Variants in PGPEP1L observed in about 807,000 individuals in gnomAD.
PGPEP1L encodes the protein pyroglutamyl-peptidase I like.
In PGPEP1L, 7 loss-of-function variants were observed where a neutral mutation model predicts 6.0. The ratio of observed to expected loss-of-function variants is 1.17; its 90% CI spans 0.66 to 2.19. PGPEP1L has a LOEUF of 2.19. Among genes scored for constraint, PGPEP1L ranks in the 30% most tolerant of loss-of-function variants. The pLI, the probability that PGPEP1L is intolerant of heterozygous loss-of-function variation, is 0.00. For missense variants in PGPEP1L, 209 were observed against 192.5 expected, an observed-to-expected ratio of 1.09 and a Z score of -0.51; for synonymous variants, 103 against 83.9, an observed-to-expected ratio of 1.23 and a Z score of -1.24.
chr15:98,999,873 G>C lies in PGPEP1L; in HGVS notation c.-142+5556C>G, dbSNP rs546782662. Among the ~76,000 whole-genome samples the C allele has an allele frequency of 9.8e-5, 15 of 152,380 alleles. No homozygotes were observed. In the South Asian group the frequency reaches 3.1e-3, roughly 32 times the overall value. ...AGTACTGATACATGCTACTGAGAAG[G>C]TGACAGCATGCTGGCAGTCCTTGCA... On this transcript the variant is annotated intron_variant, in intron 2 of 4. Transcript: ENST00000535714.
chr15:98,971,125 C>T lies in PGPEP1L; in HGVS notation c.-108G>A. On this transcript the variant is annotated 5_prime_UTR_variant, in exon 3 of 5. It adds an upstream start codon to the 5' untranslated region. Transcript: ENST00000535714. The stretch of plus-strand genomic sequence containing the variant: ...AGCTCCAGAGTCCGCAGCTGCACCA[C>T]TGTTTCATTCCCCAGGCCCAGCTTG... The T allele has an allele frequency of 6.2e-7, 1 of 1,608,248 alleles. No individual in the cohort carries two copies. Among genetic ancestry groups the T allele is most frequent in the Non-Finnish European group, 8.5e-7 (1 of 1,177,286 alleles).
chr15:98,975,934 G>C (rs1201562699), intron 2 of PGPEP1L, among the ~76,000 whole-genome samples: 1 of 137,132 alleles, frequency 7.3e-6, no homozygotes, highest in Non-Finnish European at 1.5e-5. Flanking sequence ...GAAAAAAATT[G>C]AAAAGAAAAG....
At chr15:98,986,376 TG>T (rs1567239315) in intron 2 of PGPEP1L, among the ~76,000 whole-genome samples, 1 of 152,234 alleles carries the variant, frequency 6.6e-6, no homozygotes, top group African/African-American at 2.4e-5. Context: ...TGACCATTGA[TG>T]TAATCAGTCA....
intron 2 of PGPEP1L, chr15:99,001,111 G>A (rs1206478810): frequency 1.2e-5 from 5 of 433,288 alleles, no homozygotes; most frequent in African/African-American, 6.2e-5. Flanking sequence ...CCAGAAGGAA[G>A]AAACTCTGAA....
At chr15:98,998,794 A>G (rs1325865435) in intron 2 of PGPEP1L, among the ~76,000 whole-genome samples, 9 of 152,202 alleles carry the variant, frequency 5.9e-5, no homozygotes, top group African/African-American at 2.2e-4. Flanking sequence ...CCTGGCCAAC[A>G]TGGCGAAACC....
chr15:98,974,371 C>G (rs921361394), intron 2 of PGPEP1L, among the ~76,000 whole-genome samples: 1 of 151,500 alleles, frequency 6.6e-6, no homozygotes, highest in African/African-American at 2.4e-5. Flanking sequence ...CGTGTGAGAC[C>G]CTGTCTCAAA....
At chr15:98,996,635 T>C (rs2017892945) in intron 2 of PGPEP1L, among the ~76,000 whole-genome samples, 1 of 152,102 alleles carries the variant, frequency 6.6e-6, no homozygotes, top group Admixed American at 6.6e-5. Flanking sequence ...ATGTGTGTTG[T>C]GTGCATGTTG....
At chr15:98,996,812 T>G (rs1404593753) in intron 2 of PGPEP1L, among the ~76,000 whole-genome samples, 2 of 152,290 alleles carry the variant, frequency 1.3e-5, no homozygotes, top group East Asian at 3.9e-4. Context: ...CAGAGTCAGA[T>G]CCTATTTGCC....
At chr15:99,002,224 G>C (rs1466041608) in intron 2 of PGPEP1L, among the ~76,000 whole-genome samples, 3 of 152,002 alleles carry the variant, frequency 2.0e-5, no homozygotes. Flanking sequence ...TCGAACTCCT[G>C]GTCTCAGGTG....
At chr15:98,977,022 A>C (rs1042325416) in intron 2 of PGPEP1L, among the ~76,000 whole-genome samples, 13 of 142,768 alleles carry the variant, frequency 9.1e-5, no homozygotes, top group African/African-American at 3.0e-4. Flanking sequence ...AAAAAAAAAA[A>C]CAAGTCTGTA....
intron 3 of PGPEP1L, 40 bp downstream of exon 3, chr15:98,970,996 T>TCGC (rs1464521921): frequency 6.2e-7 from 1 of 1,609,672 alleles, no homozygotes; most frequent in Non-Finnish European, 8.5e-7. Context: ...CAGCTCCACA[T>TCGC]CGCCAGTCCC....
chr15:98,974,904 AAAC>A (rs147121809), intron 2 of PGPEP1L, among the ~76,000 whole-genome samples: 13,687 of 152,176 alleles, frequency 0.09, 1,073 homozygotes, highest in East Asian at 0.36. Context: ...CCTCAAACAA[AAAC>A]AACAACAACG....
chr15:98,978,955 C>A (rs2017614244), intron 2 of PGPEP1L, among the ~76,000 whole-genome samples: 2 of 151,808 alleles, frequency 1.3e-5, no homozygotes, highest in African/African-American at 4.8e-5. Context: ...GTCTCGATCT[C>A]TTGACCTCGT....
At position 99,007,512 on chromosome 15, in the gene PGPEP1L, T is replaced by A. The variant is rs782492238; in HGVS notation, c.-523A>T. ...GATGCTCGCATGTGTTCGGAGTTTC[T>A]TCCTTCTGGCAGATTCGTGATCTCG... On this transcript the variant is annotated 5_prime_UTR_variant, in exon 1 of 5. It adds an upstream start codon to the 5' untranslated region. Transcript: ENST00000535714. 1 of 152,236 alleles carries A rather than the reference T, an allele frequency of 6.6e-6. No individual in the cohort carries two copies. The highest frequency in any genetic ancestry group is 2.4e-5 in the African/African-American group (1 of 41,426). The allele number at this position is 152,236 out of a possible 1,614,324, so 9.4% of individuals were successfully genotyped here.
intron 2 of PGPEP1L, among the ~76,000 whole-genome samples, chr15:98,971,922 G>A (rs777500400): frequency 3.9e-5 from 6 of 152,200 alleles, no homozygotes; most frequent in Non-Finnish European, 7.3e-5. Context: ...GTGTTAAATT[G>A]TAGTTTGTTT....
intron 2 of PGPEP1L, among the ~76,000 whole-genome samples, chr15:98,996,832 G>C (rs1555472550): frequency 6.6e-6 from 1 of 152,134 alleles, no homozygotes; most frequent in Non-Finnish European, 1.5e-5. Context: ...CTGCAGCTAA[G>C]AACCTTGACT....
intron 2 of PGPEP1L, among the ~76,000 whole-genome samples, chr15:98,983,881 G>C (rs1045785215): frequency 6.6e-6 from 1 of 152,038 alleles, no homozygotes. Flanking sequence ...AAATGCATTT[G>C]AGTTATTTGT....
chr15:98,968,260 C>T lies in PGPEP1L; in HGVS notation c.*218G>A, dbSNP rs1005494384. The T allele has an allele frequency of 6.9e-6, 4 of 577,226 alleles. No homozygotes were observed. Among genetic ancestry groups the T allele is most frequent in the Non-Finnish European group, 1.2e-5 (4 of 324,908 alleles). The allele number at this position is 577,226 out of a possible 1,614,324, so 35.8% of individuals were successfully genotyped here. A position where few individuals can be genotyped will look rare whatever the true frequency, so the allele number is the denominator to read the frequency against. On this transcript the variant is annotated 3_prime_UTR_variant, in exon 5 of 5. Coordinates refer to ENST00000535714, the MANE Select transcript of PGPEP1L (RefSeq NM_001167902.2). ...GGATTTCATTTTATTGTCATGAAAACCATAACTGAAGCTAGTTCATCCCCT... is the reference window on the plus strand; with the variant it reads ...GGATTTCATTTTATTGTCATGAAAATCATAACTGAAGCTAGTTCATCCCCT...
At chr15:99,001,395 G>A (rs1232754921) in intron 2 of PGPEP1L, 1 of 176,900 alleles carries the variant, frequency 5.7e-6, no homozygotes, top group African/African-American at 2.4e-5. Context: ...CAGAAGCTGG[G>A]TATGTGTGTT....
Sources: allele counts gnomAD v4.1 joint callset (sites outside exome capture counted in the v4.1 genomes callset), GRCh38; gene constraint gnomAD v4.1.1; transcripts MANE v1.5; gene names NCBI Gene and HGNC (gene_info 2026-07-23, HGNC 2026-07-21).